DPEP1: variants seen among roughly 807,000 people sequenced by gnomAD.
DPEP1 encodes dipeptidase 1.
DPEP1 carries 50 observed loss-of-function variants against 42.3 expected under a neutral mutation model. The ratio of observed to expected loss-of-function variants is 1.18; its 90% confidence interval spans 0.94 to 1.50. The LOEUF is 1.50. Ranked by LOEUF, DPEP1 falls within the 40% of genes most tolerant of loss-of-function variation. The pLI, the probability that DPEP1 is intolerant of heterozygous loss-of-function variation, is 0.00. For synonymous variants in DPEP1, 297 were observed against 234.0 expected (o/e 1.27, Z -2.46); for missense variants, 663 against 553.0 (o/e 1.20, Z -1.99).
chr16:89,636,494 C>G, intron 4 of DPEP1, 39 bp from the exon 5 acceptor site: 2 of 1,602,960 alleles, frequency 1.2e-6, no homozygotes, highest in Non-Finnish European at 1.7e-6. Flanking sequence ...CCTCCAGATA[C>G]CAGGTGCCCA....
At position 89,635,971 on chromosome 16, in the gene DPEP1, C is replaced by T. The variant is rs1299440814; in HGVS notation, c.168C>T (p.Ala56=). ...MFNNRLQDER[A]NLTTLAGTHT... ...ACAACCGGCTGCAGGACGAGAGGGCCAACCTGACCACCTTGGCCGGCACAC... is the reference window on the plus strand; with the variant it reads ...ACAACCGGCTGCAGGACGAGAGGGCTAACCTGACCACCTTGGCCGGCACAC... The change falls in exon 3 of 11, where the codon GCC becomes GCT. Residue 56 remains alanine (A), a synonymous_variant. Transcript: ENST00000690203. 1.2e-6 allele frequency: 2 copies of T among 1,612,316 alleles called. No individual in the cohort carries two copies. The highest frequency in any genetic ancestry group is 1.7e-4 in the Middle Eastern group (1 of 6,054).
chr16:89,632,867 T>C (rs2059607592), intron 2 of DPEP1, among the ~76,000 whole-genome samples: 1 of 152,058 alleles, frequency 6.6e-6, no homozygotes, highest in African/African-American at 2.4e-5. Flanking sequence ...GGGGCTGCAG[T>C]GAGCTGTGAT....
At chr16:89,638,634 C>T (rs1383897096), downstream of DPEP1, among the ~76,000 whole-genome samples, 4 of 151,078 alleles carry the variant, frequency 2.6e-5, no homozygotes, top group African/African-American at 9.8e-5. Flanking sequence ...GTAGTCACCT[C>T]CAGCCATGCA....
At chr16:89,637,433 G>T in intron 7 of DPEP1, 35 bp from the exon 8 acceptor site, 3 of 1,612,752 alleles carry the variant, frequency 1.9e-6, no homozygotes, top group South Asian at 2.2e-5. Flanking sequence ...GGCCCTCCCA[G>T]CTCTCAGCTT....
intron 1 of DPEP1, among the ~76,000 whole-genome samples, chr16:89,628,117 T>C (rs1243219060): frequency 2.0e-5 from 3 of 151,690 alleles, no homozygotes; most frequent in East Asian, 1.9e-4. Context: ...AGAGACGGGG[T>C]TTCACCATGT....
chr16:89,640,467 G>C, downstream of DPEP1: 1 of 725,310 alleles, frequency 1.4e-6, no homozygotes, highest in Non-Finnish European at 1.7e-6. Flanking sequence ...GGAGCAGGGG[G>C]CTCCGGGGTC....
chr16:89,638,383 GT>G lies in DPEP1; in HGVS notation c.*163del. 3.5e-6 allele frequency: 5 copies of G among 1,412,686 alleles called. No homozygotes were observed. Among genetic ancestry groups the G allele is most frequent in the Non-Finnish European group, 4.6e-6 (5 of 1,089,466 alleles). 87.5% of individuals were successfully genotyped at this position (1,412,686 alleles called of 1,614,324 possible). ...CTGGGGGGCAGGATGCCTGGGGACA[GT>G]TCAGGACACACACACAGTAGGCCCG... On this transcript the variant is annotated 3_prime_UTR_variant, in exon 11 of 11. Transcript: ENST00000690203.
chr16:89,637,865 A>C lies in DPEP1; in HGVS notation c.959A>C (p.Lys320Thr). The C allele has an allele frequency of 6.2e-7, 1 of 1,612,788 alleles. No homozygotes were observed. The highest frequency in any genetic ancestry group is 8.5e-7 in the Non-Finnish European group (1 of 1,179,906). The change falls in exon 10 of 11, where the codon AAG (lysine) becomes ACG (threonine). Residue 320 changes from lysine to threonine, a missense_variant. By Grantham distance (78) the Lys-to-Thr change is moderately conservative. Coordinates refer to ENST00000690203, the MANE Select transcript of DPEP1 (RefSeq NM_001389466.1). ...RVPEGLEDVS[K>T]YPDLIAELLR... ...CCTGAGGGGCTGGAGGACGTCTCCA[A>C]GTATCCAGACCTGATCGCTGAGCTG...
intron 1 of DPEP1, chr16:89,626,321 C>T (rs76971140): frequency 1.3e-5 from 2 of 152,126 alleles, no homozygotes; most frequent in East Asian, 1.9e-4. Flanking sequence ...AAAGTTCTCA[C>T]AAGATCTGTT....
intron 2 of DPEP1, among the ~76,000 whole-genome samples, chr16:89,633,012 G>T (rs542641969): frequency 1.4e-4 from 21 of 152,258 alleles, no homozygotes; most frequent in Non-Finnish European, 2.4e-4. Context: ...TCCAAGGGCG[G>T]CTCCTGGGGT....
At chr16:89,616,625 G>C (rs962769177) in intron 1 of DPEP1, among the ~76,000 whole-genome samples, 4 of 152,216 alleles carry the variant, frequency 2.6e-5, no homozygotes, top group Admixed American at 1.3e-4. Flanking sequence ...GCTTAAAGAG[G>C]TTCCTTGAAG....
At chr16:89,625,529 C>T (rs1161500850) in intron 1 of DPEP1, among the ~76,000 whole-genome samples, 1 of 152,220 alleles carries the variant, frequency 6.6e-6, no homozygotes. Flanking sequence ...AGGTGGAAGA[C>T]CTTCAGTGCA....
chr16:89,617,730 AGCACTTTGGGAGGCCG>A, intron 1 of DPEP1, among the ~76,000 whole-genome samples: 1 of 152,254 alleles, frequency 6.6e-6, no homozygotes, highest in South Asian at 2.1e-4. Flanking sequence ...CTGTAATCCC[AGCACTTTGGGAGGCCG>A]GGCGCAGTGG....
chr16:89,636,492 T>G (rs749780749), intron 4 of DPEP1, 41 bp from the exon 5 acceptor site: 60 of 1,602,624 alleles, frequency 3.7e-5, no homozygotes, highest in Non-Finnish European at 4.9e-5. Flanking sequence ...ACCCTCCAGA[T>G]ACCAGGTGCC....
intron 2 of DPEP1, among the ~76,000 whole-genome samples, chr16:89,634,473 G>A (rs2460448): frequency 0.44 from 58,339 of 131,942 alleles, 14,912 homozygotes; most frequent in Middle Eastern, 0.67. Context: ...GGACCCTCTG[G>A]GATCCTCACT....
chr16:89,640,814 G>A (rs2059737635), downstream of DPEP1, among the ~76,000 whole-genome samples: 1 of 152,084 alleles, frequency 6.6e-6, no homozygotes, highest in Admixed American at 6.6e-5. Context: ...AAAGACACAA[G>A]ACAAAGAGAA....
intron 1 of DPEP1, among the ~76,000 whole-genome samples, chr16:89,627,747 G>A (rs1361386820): frequency 1.5e-4 from 18 of 118,066 alleles, no homozygotes; most frequent in African/African-American, 3.6e-4. Context: ...TGCAACCTCC[G>A]CCTCCCTGGT....
At chr16:89,631,514 A>G (rs1471837984) in intron 2 of DPEP1, among the ~76,000 whole-genome samples, 3 of 152,104 alleles carry the variant, frequency 2.0e-5, no homozygotes, top group Non-Finnish European at 4.4e-5. Flanking sequence ...TTTGTTGGGG[A>G]AAAACTGTGA....
chr16:89,614,712 G>C (rs749326288), intron 1 of DPEP1, among the ~76,000 whole-genome samples: 3 of 152,296 alleles, frequency 2.0e-5, no homozygotes, highest in East Asian at 3.9e-4. Context: ...GGAGAATGGC[G>C]TGAACCCGGG....
Sources: allele counts gnomAD v4.1 joint callset (sites outside exome capture counted in the v4.1 genomes callset), GRCh38; gene constraint gnomAD v4.1.1; transcripts MANE v1.5; gene names NCBI Gene and HGNC (gene_info 2026-07-23, HGNC 2026-07-21).